Variants in FRAS1 observed in about 807,000 individuals in gnomAD.
The protein encoded by FRAS1 is extracellular matrix organizing protein FRAS1.
FRAS1 carries 290 observed loss-of-function variants against 435.2 expected under a neutral mutation model. The ratio of observed to expected loss-of-function variants is 0.67; its 90% CI spans 0.61 to 0.73. FRAS1 has a LOEUF of 0.73. Ranked by LOEUF, FRAS1 falls within the 30% of genes least tolerant of loss-of-function variation. The pLI, the probability that FRAS1 is intolerant of heterozygous loss-of-function variation, is 0.00. For synonymous variants in FRAS1, 1,800 were observed against 1,851.0 expected, an observed-to-expected ratio of 0.97 and a Z score of 0.71; for missense variants, 4,860 against 5,001.5, an observed-to-expected ratio of 0.97 and a Z score of 0.85.
intron 32 of FRAS1, among the ~76,000 whole-genome samples, chr4:78,418,704 A>C (rs1263058979): frequency 2.6e-5 from 4 of 152,168 alleles, no homozygotes; most frequent in African/African-American, 9.6e-5. Flanking sequence ...CCCTGCGGGC[A>C]GTTGGGGGAG....
In FRAS1 at chr4:78,307,501, A is replaced by T. The variant is rs767108741; in HGVS notation, c.1535-565A>T. On this transcript the variant is annotated intron_variant, in intron 14 of 73. Coordinates refer to ENST00000512123, the MANE Select transcript of FRAS1 (RefSeq NM_025074.7). ...TGCAGTTTGATCTCAGCTAGCAATC[A>T]GCGAGACTCCGTGGGCGTAGGACTC... 5.9e-5 allele frequency among the ~76,000 whole-genome samples: 9 copies of T among 152,258 alleles called. 1 individual carries two copies. The South Asian group carries it at 6.2e-4, about 11-fold the overall frequency.
At chr4:78,283,007 A>T (rs978680421) in intron 12 of FRAS1, 40 bp downstream of exon 12, 25 of 1,376,730 alleles carry the variant, frequency 1.8e-5, no homozygotes, top group Non-Finnish European at 2.2e-5. Context: ...AGATAGTTTT[A>T]CTGCCAAAAA....
chr4:78,375,106 G>A (rs1256974028), intron 25 of FRAS1, among the ~76,000 whole-genome samples: 1 of 152,122 alleles, frequency 6.6e-6, no homozygotes, highest in East Asian at 1.9e-4. Flanking sequence ...CAGTAAAAAT[G>A]CTTCATTGAA....
chr4:78,341,055 C>A (rs1424478306), intron 20 of FRAS1, among the ~76,000 whole-genome samples: 1 of 152,062 alleles, frequency 6.6e-6, no homozygotes, highest in Admixed American at 6.5e-5. Flanking sequence ...GTACTCTGTG[C>A]ATAGTGCAGG....
At chr4:78,498,497 ACT>A (rs1720574930) in intron 60 of FRAS1, among the ~76,000 whole-genome samples, 2 of 130,770 alleles carry the variant, frequency 1.5e-5, no homozygotes, top group Admixed American at 1.7e-4. Context: ...CAAGAACAAA[ACT>A]CTGTCTCAAA....
chr4:78,394,877 C>T (rs1732595221), intron 29 of FRAS1, among the ~76,000 whole-genome samples: 1 of 151,878 alleles, frequency 6.6e-6, no homozygotes, highest in South Asian at 2.1e-4. Flanking sequence ...TATTCAATTT[C>T]TTTCACCAAT....
chr4:78,339,283 T>C (rs980662739), intron 20 of FRAS1, among the ~76,000 whole-genome samples: 2 of 152,198 alleles, frequency 1.3e-5, no homozygotes, highest in Admixed American at 1.3e-4. Flanking sequence ...ATTAAATTGC[T>C]CCCTACGTGG....
At chr4:78,486,100 G>A (rs1217460029) in intron 58 of FRAS1, among the ~76,000 whole-genome samples, 1 of 152,182 alleles carries the variant, frequency 6.6e-6, no homozygotes, top group Non-Finnish European at 1.5e-5. Context: ...AGCTGCTACG[G>A]TATCACCCTC....
chr4:78,239,946 T>C (rs1560597436), intron 3 of FRAS1, among the ~76,000 whole-genome samples: 1 of 152,238 alleles, frequency 6.6e-6, no homozygotes, highest in African/African-American at 2.4e-5. Flanking sequence ...TTCTTTTTGA[T>C]ACTAACTACT....
At chr4:78,153,723 A>G (rs1720768770) in intron 2 of FRAS1, among the ~76,000 whole-genome samples, 1 of 152,228 alleles carries the variant, frequency 6.6e-6, no homozygotes, top group Admixed American at 6.5e-5. Context: ...TCTTCAAAGT[A>G]TCTTTTGCCT....
intron 6 of FRAS1, among the ~76,000 whole-genome samples, chr4:78,258,581 A>G (rs1410385665): frequency 6.8e-6 from 1 of 146,344 alleles, no homozygotes; most frequent in Non-Finnish European, 1.5e-5. Context: ...TATTACATGC[A>G]GCTAATTTTA....
At chr4:78,485,486 AG>A (rs1203135893) in intron 58 of FRAS1, among the ~76,000 whole-genome samples, 3 of 152,216 alleles carry the variant, frequency 2.0e-5, no homozygotes, top group Non-Finnish European at 4.4e-5. Flanking sequence ...GAGAAGCTAC[AG>A]CAATATGTGT....
At chr4:78,299,950 G>A (rs1728312671) in intron 14 of FRAS1, among the ~76,000 whole-genome samples, 1 of 152,204 alleles carries the variant, frequency 6.6e-6, no homozygotes, top group Non-Finnish European at 1.5e-5. Context: ...TGCCTTACAT[G>A]TGTCTTTGTG....
chr4:78,117,258 C>T (rs1718650433), intron 2 of FRAS1, among the ~76,000 whole-genome samples: 1 of 152,182 alleles, frequency 6.6e-6, no homozygotes, highest in African/African-American at 2.4e-5. Context: ...TCTGGCTGCC[C>T]TTAACATTTT....
At chr4:78,463,987 T>C in intron 47 of FRAS1, 34 bp from the exon 48 acceptor site, 5 of 1,610,834 alleles carry the variant, frequency 3.1e-6, no homozygotes, top group Non-Finnish European at 4.2e-6. Flanking sequence ...CATTTTAATA[T>C]CCTGTCTCTG....
intron 42 of FRAS1, chr4:78,446,174 G>C (rs988639602): frequency 4.0e-6 from 4 of 1,002,312 alleles, no homozygotes; most frequent in South Asian, 9.2e-5. Flanking sequence ...CCGAGAGAGA[G>C]ACACAGGGGA....
chr4:78,252,817 A>G (rs1011536444), intron 5 of FRAS1, among the ~76,000 whole-genome samples: 1 of 152,212 alleles, frequency 6.6e-6, no homozygotes, highest in Non-Finnish European at 1.5e-5. Context: ...GGGGTGTACG[A>G]ACAGGGAGTA....
intron 61 of FRAS1, among the ~76,000 whole-genome samples, chr4:78,506,679 A>G (rs912984535): frequency 3.3e-5 from 5 of 152,128 alleles, no homozygotes; most frequent in Non-Finnish European, 5.9e-5. Flanking sequence ...GGCTAGGAAA[A>G]GGAAATCCCC....
intron 51 of FRAS1, among the ~76,000 whole-genome samples, chr4:78,470,652 G>A (rs909138429): frequency 1.3e-5 from 2 of 152,140 alleles, no homozygotes; most frequent in African/African-American, 4.8e-5. Flanking sequence ...GCCATGTGAG[G>A]TATTATAAGT....
Sources: allele counts gnomAD v4.1 joint callset (sites outside exome capture counted in the v4.1 genomes callset), GRCh38; gene constraint gnomAD v4.1.1; transcripts MANE v1.5; gene names NCBI Gene and HGNC (gene_info 2026-07-23, HGNC 2026-07-21).